Variants in SNED1 observed in about 807,000 individuals in gnomAD.
SNED1 encodes the protein sushi, nidogen and EGF-like domain-containing protein 1.
In SNED1, 81 loss-of-function variants were observed where a neutral mutation model predicts 166.7. The observed-to-expected ratio is 0.49, with a 90% CI of 0.41 to 0.58. SNED1 has a LOEUF of 0.58. Among genes scored for constraint, SNED1 ranks in the 20% least tolerant of loss-of-function variants. The pLI is 0.00. For missense variants in SNED1, 1,604 were observed against 2,000.2 expected, an observed-to-expected ratio of 0.80 and a Z score of 3.78; for synonymous variants, 762 against 822.0, an observed-to-expected ratio of 0.93 and a Z score of 1.25.
At chr2:241,076,629 A>T (rs1007285585) in intron 27 of SNED1, among the ~76,000 whole-genome samples, 1 of 152,224 alleles carries the variant, frequency 6.6e-6, no homozygotes, top group Admixed American at 6.5e-5. Flanking sequence ...TGGGAGGCCT[A>T]GGCAGGTGAA....
At chr2:241,030,790 A>C (rs544185283) in intron 2 of SNED1, among the ~76,000 whole-genome samples, 1 of 152,290 alleles carries the variant, frequency 6.6e-6, no homozygotes, top group South Asian at 2.1e-4. Flanking sequence ...GGAAACACCA[A>C]ATTCCCCAAA....
At chr2:241,037,400 T>G in intron 6 of SNED1, 47 bp downstream of exon 6, 3 of 1,273,078 alleles carry the variant, frequency 2.4e-6, no homozygotes, top group Non-Finnish European at 3.4e-6. Flanking sequence ...GGGGGCAGGA[T>G]AGCGGGAGAC....
intron 16 of SNED1, among the ~76,000 whole-genome samples, chr2:241,055,551 T>C (rs189971274): frequency 6.6e-6 from 1 of 152,316 alleles, no homozygotes; most frequent in East Asian, 1.9e-4. Flanking sequence ...AGGAACATCA[T>C]GAAGCCTATG....
At chr2:241,012,809 A>G (rs1210424290) in intron 1 of SNED1, among the ~76,000 whole-genome samples, 1 of 146,412 alleles carries the variant, frequency 6.8e-6, no homozygotes, top group African/African-American at 2.6e-5. Flanking sequence ...ACGAGGCAGT[A>G]CTGTGTTTTT....
intron 1 of SNED1, among the ~76,000 whole-genome samples, chr2:241,020,734 C>T (rs2060746968): frequency 6.6e-6 from 1 of 152,340 alleles, no homozygotes; most frequent in African/African-American, 2.4e-5. Context: ...AAAGGGGGTG[C>T]AGTGGAGTAC....
intron 16 of SNED1, among the ~76,000 whole-genome samples, chr2:241,054,271 G>A (rs912730889): frequency 2.0e-5 from 3 of 152,204 alleles, no homozygotes; most frequent in African/African-American, 2.4e-5. Context: ...CGAGACACCT[G>A]AAAAGTACGA....
intron 15 of SNED1, among the ~76,000 whole-genome samples, chr2:241,052,831 G>A (rs111911025): frequency 0.01 from 1,150 of 112,382 alleles, 35 homozygotes; most frequent in African/African-American, 0.029. Context: ...ATGGGATGCC[G>A]GTGTCAGGCA....
intron 16 of SNED1, among the ~76,000 whole-genome samples, chr2:241,060,430 G>A (rs750603369): frequency 1.3e-5 from 2 of 152,118 alleles, no homozygotes; most frequent in Non-Finnish European, 2.9e-5. Flanking sequence ...TGATCCACCC[G>A]CCTTGGGCTC....
intron 27 of SNED1, among the ~76,000 whole-genome samples, chr2:241,078,008 C>T (rs2063110346): frequency 6.6e-6 from 1 of 152,154 alleles, no homozygotes. Flanking sequence ...CCTATGTCCA[C>T]ATGAGGTCCT....
chr2:241,072,993 C>A, intron 26 of SNED1: 1 of 491,666 alleles, frequency 2.0e-6, no homozygotes, highest in South Asian at 4.0e-5. Context: ...TGGGGCCTCT[C>A]AGCATGATCA....
intron 31 of SNED1, 48 bp downstream of exon 31, chr2:241,088,450 T>C (rs1381098284): frequency 2.6e-6 from 4 of 1,522,842 alleles, no homozygotes; most frequent in African/African-American, 2.7e-5. Flanking sequence ...TGCTGGGAAG[T>C]GGGGGGCGAC....
intron 8 of SNED1, among the ~76,000 whole-genome samples, chr2:241,047,013 C>T (rs745795858): frequency 6.6e-5 from 10 of 151,798 alleles, no homozygotes; most frequent in East Asian, 1.9e-4. Flanking sequence ...TGTGGTAGCA[C>T]GTGCTTATAA....
At chr2:241,006,714 T>C (rs116708749) in intron 1 of SNED1, among the ~76,000 whole-genome samples, 1 of 152,340 alleles carries the variant, frequency 6.6e-6, no homozygotes, top group Non-Finnish European at 1.5e-5. Context: ...TTCCTAGCTC[T>C]GTCCACTGAG....
intron 8 of SNED1, among the ~76,000 whole-genome samples, chr2:241,042,921 G>T (rs990525730): frequency 1.3e-5 from 2 of 152,162 alleles, no homozygotes; most frequent in African/African-American, 4.8e-5. Flanking sequence ...GGAGGATGGA[G>T]AACAGTATCA....
chr2:241,048,958 A>C, intron 10 of SNED1, 64 bp from the exon 11 acceptor site: 1 of 1,446,126 alleles, frequency 6.9e-7, no homozygotes, highest in Non-Finnish European at 9.5e-7. Flanking sequence ...CATCCTTGAC[A>C]AGGACTCGAG....
intron 1 of SNED1, among the ~76,000 whole-genome samples, chr2:241,004,208 G>A (rs1265221286): frequency 6.6e-6 from 1 of 152,208 alleles, no homozygotes; most frequent in Non-Finnish European, 1.5e-5. Flanking sequence ...AGCATTTGTT[G>A]TGGCTTCTTG....
chr2:241,054,166 A>G (rs998447759), intron 16 of SNED1, among the ~76,000 whole-genome samples: 2 of 152,014 alleles, frequency 1.3e-5, no homozygotes, highest in Non-Finnish European at 2.9e-5. Flanking sequence ...TGTCTTGGAG[A>G]TGACCCCCCC....
In SNED1 at chr2:241,071,597, G is replaced by A; in HGVS notation, c.3611G>A (p.Arg1204Lys). The A allele has an allele frequency of 6.3e-7, 1 of 1,588,474 alleles. No homozygotes were observed. The highest frequency in any genetic ancestry group is 8.5e-7 in the Non-Finnish European group (1 of 1,174,656). ...IITSPRDGADRRWHQGGHHPR... is the reference protein window; with the variant it reads ...IITSPRDGADKRWHQGGHHPR... ...GCAGCCCCCAGGGATGGCGCTGACA[G>A]ACGCTGGCACCAGGGAGGACACCAC... is the stretch of plus-strand genomic sequence containing the variant. The change falls in exon 25 of 32, where the codon AGA becomes AAA. Residue 1204 changes from arginine to lysine, a missense_variant. Physicochemically the swap from Arg to Lys is conservative, Grantham distance 26 (BLOSUM62 2). Around this residue, in one of 2 missense-constraint regions of SNED1, gnomAD observed 367 missense variants for 379.4 expected, o/e 0.97. Transcript: ENST00000310397.
chr2:241,037,472 G>T (rs2061410359), intron 6 of SNED1, 119 bp downstream of exon 6: 1 of 682,984 alleles, frequency 1.5e-6, no homozygotes, highest in East Asian at 2.7e-5. Context: ...AAGGTAGACA[G>T]CCCAGAGAAG....
Sources: allele counts gnomAD v4.1 joint callset (sites outside exome capture counted in the v4.1 genomes callset), GRCh38; gene constraint gnomAD v4.1.1; regional missense constraint gnomAD v4.1.1; transcripts MANE v1.5; gene names NCBI Gene and HGNC (gene_info 2026-07-23, HGNC 2026-07-21).